PRDM5: variants seen among roughly 807,000 people sequenced by gnomAD.
The protein encoded by PRDM5 is PR domain zinc finger protein 5.
A neutral mutation model predicts 81.2 loss-of-function variants in PRDM5; 56 were observed. The ratio of observed to expected loss-of-function variants is 0.69; its 90% CI spans 0.56 to 0.86. The LOEUF (loss-of-function observed/expected upper bound fraction) is 0.86, where lower values mean the gene tolerates loss of function less well. PRDM5 is among the 40% of genes least tolerant of loss of function. The pLI, the probability that PRDM5 is intolerant of heterozygous loss-of-function variation, is 0.00. For synonymous variants in PRDM5, 267 were observed against 256.4 expected, an observed-to-expected ratio of 1.04 and a Z score of -0.39; for missense variants, 697 against 770.1, an observed-to-expected ratio of 0.91 and a Z score of 1.12.
At chr4:120,893,223 A>G (rs1764252810) in intron 2 of PRDM5, among the ~76,000 whole-genome samples, 1 of 152,166 alleles carries the variant, frequency 6.6e-6, no homozygotes, top group Non-Finnish European at 1.5e-5. Flanking sequence ...TGAATTCCTC[A>G]GGGGGCTCTC....
intron 1 of PRDM5, among the ~76,000 whole-genome samples, chr4:120,914,535 G>T (rs1327244239): frequency 6.6e-6 from 1 of 152,154 alleles, no homozygotes; most frequent in Non-Finnish European, 1.5e-5. Flanking sequence ...AAGGAAAGAG[G>T]TTTAATTGGC....
At chr4:120,767,648 A>T (rs1442577089) in intron 13 of PRDM5, among the ~76,000 whole-genome samples, 1 of 152,198 alleles carries the variant, frequency 6.6e-6, no homozygotes, top group Non-Finnish European at 1.5e-5. Context: ...TAGTAAATAT[A>T]ACTTAATCAT....
At chr4:120,892,461 T>C (rs2148628866) in intron 2 of PRDM5, among the ~76,000 whole-genome samples, 1 of 152,354 alleles carries the variant, frequency 6.6e-6, no homozygotes, top group South Asian at 2.1e-4. Context: ...TTTGTAGATC[T>C]ATAAGAACTC....
chr4:120,915,699 C>G (rs969325247), intron 1 of PRDM5, among the ~76,000 whole-genome samples: 17 of 152,162 alleles, frequency 1.1e-4, no homozygotes, highest in African/African-American at 4.1e-4. Flanking sequence ...GCACTTAGAC[C>G]ACAACCATCA....
At chr4:120,833,823 C>G (rs1163594873) in intron 3 of PRDM5, among the ~76,000 whole-genome samples, 1 of 151,958 alleles carries the variant, frequency 6.6e-6, no homozygotes, top group Non-Finnish European at 1.5e-5. Flanking sequence ...GTAAAAAGGA[C>G]CAAGATAGTT....
intron 14 of PRDM5, among the ~76,000 whole-genome samples, chr4:120,749,571 ACCCAGGC>A (rs1174443853): frequency 6.6e-6 from 1 of 152,042 alleles, no homozygotes; most frequent in Non-Finnish European, 1.5e-5. Flanking sequence ...AGCAAAAACC[ACCCAGGC>A]CACAGACCTG....
At chr4:120,764,120 T>A (rs559592627) in intron 13 of PRDM5, among the ~76,000 whole-genome samples, 9 of 152,112 alleles carry the variant, frequency 5.9e-5, no homozygotes, top group African/African-American at 1.9e-4. Flanking sequence ...GCAAGTTTAA[T>A]AGAGGTATGC....
intron 14 of PRDM5, among the ~76,000 whole-genome samples, chr4:120,749,391 C>G (rs1301338541): frequency 6.6e-6 from 1 of 152,134 alleles, no homozygotes; most frequent in Non-Finnish European, 1.5e-5. Flanking sequence ...TTTCCACTGG[C>G]TCCATCAGGG....
intron 15 of PRDM5, among the ~76,000 whole-genome samples, chr4:120,702,662 C>T (rs888747916): frequency 1.5e-4 from 23 of 152,196 alleles, no homozygotes; most frequent in Non-Finnish European, 2.8e-4. Flanking sequence ...TAAGTACCCC[C>T]AAAGACTGCA....
At chr4:120,876,786 T>A (rs1762371579) in intron 2 of PRDM5, among the ~76,000 whole-genome samples, 2 of 152,192 alleles carry the variant, frequency 1.3e-5, no homozygotes, top group African/African-American at 4.8e-5. Context: ...AAGGAATGCA[T>A]GCAAAATTTT....
chr4:120,778,841 C>G (rs549933401), intron 12 of PRDM5, among the ~76,000 whole-genome samples: 2 of 152,026 alleles, frequency 1.3e-5, no homozygotes, highest in Non-Finnish European at 2.9e-5. Context: ...CCTTTACTCC[C>G]CAGGTCCACA....
chr4:120,920,349 T>C (rs1579249494), intron 1 of PRDM5, among the ~76,000 whole-genome samples: 1 of 152,242 alleles, frequency 6.6e-6, no homozygotes, highest in South Asian at 2.1e-4. Context: ...CTTCCAAAAT[T>C]TGTTTAGAAT....
chr4:120,740,194 C>T (rs1294606954), intron 14 of PRDM5, among the ~76,000 whole-genome samples: 2 of 152,148 alleles, frequency 1.3e-5, no homozygotes, highest in African/African-American at 4.8e-5. Flanking sequence ...AAAAGATTCA[C>T]TAATTCCAAA....
intron 3 of PRDM5, among the ~76,000 whole-genome samples, chr4:120,845,946 T>A (rs2149402878): frequency 6.6e-6 from 1 of 152,246 alleles, no homozygotes; most frequent in East Asian, 1.9e-4. Flanking sequence ...TCAGGAGAAG[T>A]AACTGCAGAT....
chr4:120,723,865 A>G (rs188210131), intron 14 of PRDM5, among the ~76,000 whole-genome samples: 12 of 149,332 alleles, frequency 8.0e-5, no homozygotes, highest in Admixed American at 3.3e-4. Flanking sequence ...TCGTTGTTTT[A>G]TCTTAAAAAA....
chr4:120,793,766 A>G (rs1418821827), intron 10 of PRDM5, among the ~76,000 whole-genome samples: 1 of 151,082 alleles, frequency 6.6e-6, no homozygotes, highest in Non-Finnish European at 1.5e-5. Flanking sequence ...AGAACACTTA[A>G]AATTAACAGA....
chr4:120,773,315 A>G (rs896381553), intron 13 of PRDM5, among the ~76,000 whole-genome samples: 2 of 152,216 alleles, frequency 1.3e-5, no homozygotes, highest in African/African-American at 4.8e-5. Context: ...AGGAATTGTT[A>G]GGAAATATAG....
chr4:120,839,160 G>A, intron 3 of PRDM5: 1 of 690,502 alleles, frequency 1.4e-6, no homozygotes, highest in East Asian at 2.7e-5. Context: ...CTGAAAGGCT[G>A]CAGCTCTTCT....
intron 13 of PRDM5, among the ~76,000 whole-genome samples, chr4:120,766,168 C>T (rs1442561514): frequency 6.6e-6 from 1 of 152,082 alleles, no homozygotes; most frequent in East Asian, 1.9e-4. Context: ...CCACGTTGGC[C>T]AGACTGGTTT....
Sources: gnomAD v4.1 joint callset for allele counts (sites outside exome capture counted in the v4.1 genomes callset) on GRCh38, gnomAD v4.1.1 for gene constraint, MANE v1.5 for transcripts, NCBI Gene and HGNC (gene_info 2026-07-23, HGNC 2026-07-21) for gene names.